The following CPED1 variants were observed in gnomAD, a reference collection of about 807,000 sequenced individuals.
CPED1 encodes the protein cadherin like and PC-esterase domain containing 1, also known as cadherin-like and PC-esterase domain-containing protein 1.
CPED1 carries 114 observed loss-of-function variants against 128.2 expected under a neutral mutation model. The observed-to-expected ratio is 0.89, with a 90% CI of 0.76 to 1.04. The LOEUF is 1.04. Ranked by LOEUF, CPED1 falls within the 50% of genes least tolerant of loss-of-function variation. CPED1 has a pLI of 0.00. For synonymous variants in CPED1, 462 were observed against 426.7 expected (o/e 1.08, Z -1.02); for missense variants, 1,211 against 1,207.1 (o/e 1.00, Z -0.05).
chr7:121,032,827 A>G (rs932639433), intron 3 of CPED1, among the ~76,000 whole-genome samples: 2 of 152,126 alleles, frequency 1.3e-5, no homozygotes, highest in Non-Finnish European at 2.9e-5. Flanking sequence ...CTCATAGATG[A>G]CAGAATTATT....
At chr7:121,253,640 G>C (rs946465736) in intron 18 of CPED1, among the ~76,000 whole-genome samples, 2 of 151,890 alleles carry the variant, frequency 1.3e-5, no homozygotes, top group African/African-American at 2.4e-5. Flanking sequence ...GTAGCAATCT[G>C]GGTAAAAAGA....
intron 16 of CPED1, among the ~76,000 whole-genome samples, chr7:121,165,770 A>G (rs1241384812): frequency 6.6e-6 from 1 of 152,150 alleles, no homozygotes; most frequent in Non-Finnish European, 1.5e-5. Flanking sequence ...AAATTTTTAC[A>G]ATTCAGAGAA....
chr7:121,093,194 C>A (rs1054352955), intron 5 of CPED1, among the ~76,000 whole-genome samples: 2 of 152,086 alleles, frequency 1.3e-5, no homozygotes, highest in African/African-American at 4.8e-5. Flanking sequence ...TGTTTAGTCA[C>A]TCTTTCTTCC....
Position 121,297,055 on chromosome 7 carries a change from A to G in CPED1, c.*1403A>G, listed in dbSNP as rs1792836613. On this transcript the variant is annotated 3_prime_UTR_variant, in exon 23 of 23. Transcript: ENST00000310396. ...ATGAATTTATATTTAACTGTCTTAA[A>G]TTATATTTACATAAATGCAAATATC... 1 of 152,076 alleles carries G rather than the reference A, an allele frequency of 6.6e-6. No individual in the cohort carries two copies. The highest frequency in any genetic ancestry group is 1.5e-5 in the Non-Finnish European group (1 of 67,954). The allele number at this position is 152,076 out of a possible 1,614,324, so 9.4% of individuals were successfully genotyped here.
chr7:121,093,584 T>C (rs1390177704), intron 5 of CPED1, among the ~76,000 whole-genome samples: 1 of 152,126 alleles, frequency 6.6e-6, no homozygotes, highest in Non-Finnish European at 1.5e-5. Flanking sequence ...CTCCACAGAC[T>C]GCATCCACAG....
chr7:121,062,846 G>C (rs1021287141), intron 4 of CPED1: 1 of 152,070 alleles, frequency 6.6e-6, no homozygotes, highest in African/African-American at 2.4e-5. Context: ...TTTTATAAGG[G>C]ATTTTCCCTT....
intron 3 of CPED1, among the ~76,000 whole-genome samples, chr7:121,017,439 T>C (rs1792331044): frequency 6.6e-6 from 1 of 152,096 alleles, no homozygotes; most frequent in South Asian, 2.1e-4. Flanking sequence ...GCTATTAGTA[T>C]AAAGAAAAAA....
At chr7:121,092,145 G>A (rs761865102) in intron 5 of CPED1, among the ~76,000 whole-genome samples, 1 of 152,160 alleles carries the variant, frequency 6.6e-6, no homozygotes, top group Non-Finnish European at 1.5e-5. Context: ...TAATCTATGA[G>A]CTGTGGATCC....
chr7:121,244,800 TA>T (rs1258356098), intron 18 of CPED1, among the ~76,000 whole-genome samples: 1 of 152,242 alleles, frequency 6.6e-6, no homozygotes, highest in African/African-American at 2.4e-5. Flanking sequence ...GGATTGTTTT[TA>T]CGCACTAACC....
At chr7:121,285,178 G>A (rs949702792) in intron 22 of CPED1, among the ~76,000 whole-genome samples, 6 of 152,190 alleles carry the variant, frequency 3.9e-5, no homozygotes, top group African/African-American at 1.2e-4. Context: ...CCTGAGTTGT[G>A]TATTTGCCTC....
chr7:121,072,205 G>A (rs1303362903), intron 5 of CPED1, among the ~76,000 whole-genome samples: 1 of 150,414 alleles, frequency 6.6e-6, no homozygotes, highest in African/African-American at 2.4e-5. Context: ...AAAAAACATG[G>A]GAGTAAATTG....
At chr7:121,197,661 G>T (rs559197583) in intron 16 of CPED1, among the ~76,000 whole-genome samples, 1 of 152,102 alleles carries the variant, frequency 6.6e-6, no homozygotes, top group Non-Finnish European at 1.5e-5. Context: ...GCATGCGCAT[G>T]TATGTGCTTA....
intron 2 of CPED1, among the ~76,000 whole-genome samples, chr7:120,991,765 T>C (rs1041268027): frequency 6.6e-6 from 1 of 152,198 alleles, no homozygotes; most frequent in Non-Finnish European, 1.5e-5. Context: ...TCACCAAAAA[T>C]GCCAAACACA....
intron 16 of CPED1, among the ~76,000 whole-genome samples, chr7:121,235,347 C>T (rs1236792243): frequency 1.3e-5 from 2 of 152,074 alleles, no homozygotes; most frequent in East Asian, 3.9e-4. Context: ...TCTTAAACTC[C>T]ATGCTTAGTC....
intron 16 of CPED1, among the ~76,000 whole-genome samples, chr7:121,179,915 G>GA (rs1185152108): frequency 2.0e-5 from 3 of 151,968 alleles, no homozygotes; most frequent in South Asian, 4.2e-4. Flanking sequence ...TTTTTTAAGG[G>GA]AAAAAAATGA....
At chr7:121,276,543 A>G (rs1052635869) in intron 22 of CPED1, among the ~76,000 whole-genome samples, 5 of 152,134 alleles carry the variant, frequency 3.3e-5, no homozygotes, top group African/African-American at 4.8e-5. Flanking sequence ...AAAAACCCAT[A>G]TTATGAAACA....
intron 14 of CPED1, among the ~76,000 whole-genome samples, chr7:121,137,201 T>G (rs1795804008): frequency 6.6e-6 from 1 of 152,010 alleles, no homozygotes; most frequent in African/African-American, 2.4e-5. Flanking sequence ...AGATAGGATT[T>G]CACTTTGTTG....
intron 12 of CPED1, among the ~76,000 whole-genome samples, chr7:121,132,550 A>C (rs1795697796): frequency 6.6e-6 from 1 of 152,100 alleles, no homozygotes. Context: ...CCTGAGGCTC[A>C]AAATCCAGAG....
rs201267771 is a variant in CPED1, at chr7:121,147,959, A to AT, written c.2055+5825dup. On this transcript the variant is annotated intron_variant, in intron 16 of 22. Coordinates refer to ENST00000310396, the MANE Select transcript of CPED1 (RefSeq NM_024913.5). ...GAAATGGTTTAGAACTCTCTCATTT[A>AT]TTTTTTTGTACCCTTCCAACACCAT... 4.8e-3 allele frequency among the ~76,000 whole-genome samples: 734 copies of AT among 152,222 alleles called. 5 individuals are homozygous for AT. Among genetic ancestry groups the AT allele is most frequent in the African/African-American group, 0.017 (689 of 41,562 alleles).
Sources: gnomAD v4.1 joint callset for allele counts (sites outside exome capture counted in the v4.1 genomes callset) on GRCh38, gnomAD v4.1.1 for gene constraint, MANE v1.5 for transcripts, NCBI Gene and HGNC (gene_info 2026-07-23, HGNC 2026-07-21) for gene names.